INTS10: variants seen among roughly 807,000 people sequenced by gnomAD.
INTS10 encodes integrator complex subunit 10, also known as chromosome 8 open reading frame 35.
INTS10 carries 44 observed loss-of-function variants against 94.4 expected under a neutral mutation model. The observed-to-expected ratio is 0.47, with a 90% CI of 0.37 to 0.60. The LOEUF is 0.60. Among genes scored for constraint, INTS10 ranks in the 20% least tolerant of loss-of-function variants. The probability of loss-of-function intolerance (pLI) is 0.00; values close to 1 mark genes in which losing one functional copy is unlikely to be tolerated. For missense variants in INTS10, 797 were observed against 868.7 expected (o/e 0.92, Z 1.04); for synonymous variants, 341 against 320.7 (o/e 1.06, Z -0.68).
intron 12 of INTS10, among the ~76,000 whole-genome samples, chr8:19,836,104 T>G (rs1211106154): frequency 1.3e-5 from 2 of 151,204 alleles, no homozygotes; most frequent in African/African-American, 4.9e-5. Flanking sequence ...AAGGCACACA[T>G]ATATGTAACA....
chr8:19,822,481 G>A lies in INTS10; in HGVS notation c.484G>A (p.Glu162Lys). 6.2e-7 allele frequency: 1 copy of A among 1,612,174 alleles called. No homozygotes were observed. The highest frequency in any genetic ancestry group is 8.5e-7 in the Non-Finnish European group (1 of 1,178,430). ...ACTATTAGAGGCTGAAACTATTGAA[G>A]AACAAGAATCTCCAGTGAACTGCTT... ...EALLEAETIE[E>K]QESPVNCFRK... The change falls in exon 5 of 17, where the codon GAA becomes AAA. Residue 162 changes from glutamate to lysine, a missense_variant. Physicochemically the swap from Glu to Lys is moderately conservative, Grantham distance 56 (BLOSUM62 1). Transcript: ENST00000397977.
intron 13 of INTS10, 94 bp downstream of exon 13, chr8:19,837,254 G>A (rs979402728): frequency 1.0e-5 from 8 of 791,064 alleles, no homozygotes; most frequent in Admixed American, 2.0e-5. Flanking sequence ...CTCGGAAGTC[G>A]AGGCGGGAGG....
At chr8:19,817,724 C>CG in intron 1 of INTS10, 58 bp downstream of exon 1, 1 of 1,554,574 alleles carries the variant, frequency 6.4e-7, no homozygotes, top group East Asian at 2.4e-5. Context: ...TCCCGTCGCC[C>CG]GGGCTGCCCT....
intron 12 of INTS10, among the ~76,000 whole-genome samples, chr8:19,835,022 C>A (rs2067540683): frequency 1.3e-5 from 2 of 152,070 alleles, no homozygotes; most frequent in South Asian, 4.2e-4. Context: ...GATGCCCTCA[C>A]ATTGGGGGTT....
rs573019106 is a variant in INTS10 at position 19,842,427 on chromosome 8, C to T, written c.1640-421C>T. ...ACAACCACTGCCTTCAGAATTATGG[C>T]GACCTCTGCGATGGAAGAGAATGGG... On this transcript the variant is annotated intron_variant, in intron 13 of 16. Transcript: ENST00000397977. 5.9e-5 allele frequency among the ~76,000 whole-genome samples: 9 copies of T among 152,208 alleles called. No individual in the cohort carries two copies. In the East Asian group the frequency reaches 9.7e-4, roughly 16 times the overall value.
chr8:19,828,006 T>C (rs913350286), intron 9 of INTS10, among the ~76,000 whole-genome samples: 29 of 151,840 alleles, frequency 1.9e-4, no homozygotes, highest in Admixed American at 9.8e-4. Flanking sequence ...CCCAGGAGTT[T>C]AAGACCCACC....
At position 19,836,906 on chromosome 8, in the gene INTS10, G is replaced by A. The variant is rs1168832834; in HGVS notation, c.1531-146G>A. On this transcript the variant is annotated intron_variant, in intron 12 of 16. Coordinates refer to ENST00000397977, the MANE Select transcript of INTS10 (RefSeq NM_018142.4). ...TTACTCTTTCTGTATTCACTATTGAGCAATGGTAATGATCACATAGAGAGG... is the reference window on the plus strand; with the variant it reads ...TTACTCTTTCTGTATTCACTATTGAACAATGGTAATGATCACATAGAGAGG... 3.6e-5 allele frequency: 22 copies of A among 614,166 alleles called. No individual in the cohort carries two copies. In the East Asian group the frequency reaches 6.0e-4, roughly 17 times the overall value. The allele number at this position is 614,166 out of a possible 1,614,324, so 38.0% of individuals were successfully genotyped here. A position where few individuals can be genotyped will look rare whatever the true frequency, so the allele number is the denominator to read the frequency against.
Position 19,817,624 on chromosome 8 carries a change from G to A in INTS10, c.87G>A (p.Leu29=), listed in dbSNP as rs750942005. The A allele has an allele frequency of 1.9e-6, 3 of 1,607,938 alleles. No individual in the cohort carries two copies. Among genetic ancestry groups the A allele is most frequent in the Non-Finnish European group, 2.5e-6 (3 of 1,177,932 alleles). The change falls in exon 1 of 17, where the codon CTG becomes CTA. Residue 29 remains leucine (L), a synonymous_variant. Transcript: ENST00000397977. ...PQDLWAAKAW[L]ITARSLYPAD... ...ACCTGTGGGCAGCCAAGGCGTGGCT[G>A]ATCACGGCCCGCAGCCTCTACCCGG...
chr8:19,834,985 A>G (rs1006662674), intron 12 of INTS10, among the ~76,000 whole-genome samples: 3 of 151,798 alleles, frequency 2.0e-5, no homozygotes, highest in Non-Finnish European at 4.4e-5. Context: ...CTCATCATCT[A>G]CTCACCTCCC....
At chr8:19,838,797 C>T (rs1189263156) in intron 13 of INTS10, among the ~76,000 whole-genome samples, 1 of 152,126 alleles carries the variant, frequency 6.6e-6, no homozygotes, top group Admixed American at 6.5e-5. Flanking sequence ...AGTGGCCAGG[C>T]ATGGTGGCTC....
intron 7 of INTS10, 156 bp downstream of exon 7, chr8:19,824,200 A>C: frequency 1.7e-6 from 1 of 573,748 alleles, no homozygotes; most frequent in Non-Finnish European, 3.0e-6. Flanking sequence ...CATTTTATCA[A>C]AACATTTCTG....
intron 12 of INTS10, among the ~76,000 whole-genome samples, chr8:19,833,873 G>C (rs936013925): frequency 6.6e-6 from 1 of 152,072 alleles, no homozygotes; most frequent in Non-Finnish European, 1.5e-5. Flanking sequence ...TGGGTGTGGT[G>C]GTGGGCACCT....
At chr8:19,823,690 G>T (rs1389024941) in intron 6 of INTS10, among the ~76,000 whole-genome samples, 183 bp from the exon 7 acceptor site, 1 of 152,164 alleles carries the variant, frequency 6.6e-6, no homozygotes, top group African/African-American at 2.4e-5. Flanking sequence ...GTACCATGAT[G>T]AAGTAGTGGA....
Position 19,817,632 on chromosome 8 carries a change from C to A in INTS10, c.95C>A (p.Ala32Asp). 1.2e-6 allele frequency: 2 copies of A among 1,607,292 alleles called. No individual in the cohort carries two copies. The highest frequency in any genetic ancestry group is 8.5e-7 in the Non-Finnish European group (1 of 1,177,636). The change falls in exon 1 of 17, where the codon GCC (alanine) becomes GAC (aspartate). Residue 32 changes from alanine (A) to aspartate (D), a missense_variant. Ala to Asp is a moderately radical substitution (Grantham distance 126). Around this residue, in one of 3 missense-constraint regions of INTS10, gnomAD observed 734 missense variants for 787.8 expected, o/e 0.93. Transcript: ENST00000397977. ...LWAAKAWLIT[A>D]RSLYPADFNI... ...GCAGCCAAGGCGTGGCTGATCACGG[C>A]CCGCAGCCTCTACCCGGCAGACTTT...
Position 19,817,458 on chromosome 8 carries a change from CGGT to C in INTS10, c.-77_-75del, listed in dbSNP as rs1265768725. The C allele has an allele frequency of 1.4e-5, 21 of 1,505,712 alleles. No homozygotes were observed. The highest frequency in any genetic ancestry group is 1.9e-5 in the Non-Finnish European group (21 of 1,124,086). 93.3% of individuals were successfully genotyped at this position (1,505,712 alleles called of 1,614,324 possible). On this transcript the variant is annotated 5_prime_UTR_variant, in exon 1 of 17. Transcript: ENST00000397977. ...TCCCCCGCGGTGGCGGCGGCGGCGG[CGGT>C]GGCTGCCGTGGCGGCTGAGAGTCCA...
At chr8:19,831,828 A>G (rs1405495032) in intron 10 of INTS10, among the ~76,000 whole-genome samples, 200 bp from the exon 11 acceptor site, 1 of 152,220 alleles carries the variant, frequency 6.6e-6, no homozygotes, top group Admixed American at 6.5e-5. Context: ...GCATCTACAA[A>G]ATATTGCTTG....
In INTS10 at chr8:19,830,311, T is replaced by A. The variant is rs188652502; in HGVS notation, c.1141-95T>A. The A allele has an allele frequency of 8.3e-4, 902 of 1,081,210 alleles. 7 individuals are homozygous for A. In the African/African-American group the frequency reaches 0.013, roughly 16 times the overall value. 67.0% of individuals were successfully genotyped at this position (1,081,210 alleles called of 1,614,324 possible). ...GTATGTGGTATCCTTTGATATAAAA[T>A]TCATATCACGGGCCAAACTGGCAGC... is the stretch of plus-strand genomic sequence containing the variant. On this transcript the variant is annotated intron_variant, in intron 9 of 16. Coordinates refer to ENST00000397977, the MANE Select transcript of INTS10 (RefSeq NM_018142.4).
chr8:19,841,978 C>A, intron 13 of INTS10: 1 of 256,764 alleles, frequency 3.9e-6, no homozygotes, highest in Non-Finnish European at 7.8e-6. Context: ...GTACAGGATC[C>A]CATGTGAAAA....
chr8:19,844,859 A>T (rs2068440615), intron 15 of INTS10, among the ~76,000 whole-genome samples: 1 of 152,104 alleles, frequency 6.6e-6, no homozygotes, highest in South Asian at 2.1e-4. Flanking sequence ...AATATAAATG[A>T]TATTCTTGTT....
Sources: allele counts gnomAD v4.1 joint callset (sites outside exome capture counted in the v4.1 genomes callset), GRCh38; gene constraint gnomAD v4.1.1; regional missense constraint gnomAD v4.1.1; transcripts MANE v1.5; gene names NCBI Gene and HGNC (gene_info 2026-07-23, HGNC 2026-07-21).